The following SERPINB12 variants were observed in gnomAD, a reference collection of about 807,000 sequenced individuals.
The protein encoded by SERPINB12 is serpin family B member 12.
In SERPINB12, 57 loss-of-function variants were observed where a neutral mutation model predicts 41.1. That is an observed-to-expected ratio of 1.39 (90% CI 1.12 to 1.73). SERPINB12 has a LOEUF of 1.73. Among genes scored for constraint, SERPINB12 ranks in the 40% most tolerant of loss-of-function variants. SERPINB12 has a pLI of 0.00. For missense variants in SERPINB12, 536 were observed against 501.9 expected (o/e 1.07, Z -0.65); for synonymous variants, 180 against 181.3 (o/e 0.99, Z 0.06).
chr18:63,559,680 A>G lies in SERPINB12; in HGVS notation c.406A>G (p.Asn136Asp), dbSNP rs776224098. The G allele has an allele frequency of 1.1e-5, 18 of 1,614,014 alleles. No individual in the cohort carries two copies. In the South Asian group the frequency reaches 1.9e-4, roughly 17 times the overall value. Reference protein sequence around the residue: ...IKTDYTLSIANRLYGEQEFPI... With the variant: ...IKTDYTLSIADRLYGEQEFPI... ...GACTGATTACACACTGAGTATTGCC[A>G]ACAGGCTTTATGGAGAGCAGGAATT... The change falls in exon 4 of 8, where the codon AAC (asparagine) becomes GAC (aspartate). Residue 136 changes from asparagine to aspartate, a missense_variant. Coordinates refer to ENST00000382768, the MANE Select transcript of SERPINB12 (RefSeq NM_001307928.2).
chr18:63,549,562 C>CTTGAAATCTTAATCTA (rs11273329), intron 1 of SERPINB12, among the ~76,000 whole-genome samples: 1 of 151,826 alleles, frequency 6.6e-6, no homozygotes, highest in East Asian at 1.9e-4. Context: ...TGTTTGCAAT[C>CTTGAAATCTTAATCTA]TATTTAGGAT....
chr18:63,527,674 G>T, the SERPINB12 span, among the ~76,000 whole-genome samples: 1 of 152,048 alleles, frequency 6.6e-6, no homozygotes, highest in Admixed American at 6.6e-5. Flanking sequence ...TAGGCAAGTT[G>T]GTTTGCTAAA....
At chr18:63,535,426 T>C in the SERPINB12 span, among the ~76,000 whole-genome samples, 64 of 152,090 alleles carry the variant, frequency 4.2e-4, no homozygotes, top group African/African-American at 1.4e-3. Flanking sequence ...CAAAAATGCG[T>C]AACTCGAATC....
At chr18:63,537,886 C>T (rs181609898), upstream of SERPINB12, among the ~76,000 whole-genome samples, 2 of 152,190 alleles carry the variant, frequency 1.3e-5, no homozygotes, top group East Asian at 3.9e-4. Context: ...ACATTTGGAT[C>T]AGTTGAGAGT....
chr18:63,521,050 C>A, the SERPINB12 span, among the ~76,000 whole-genome samples: 1 of 152,154 alleles, frequency 6.6e-6, no homozygotes, highest in South Asian at 2.1e-4. Flanking sequence ...CCAAGGGTGG[C>A]ATCAGTCCAA....
At chr18:63,539,962 G>C (rs1052364540), upstream of SERPINB12, among the ~76,000 whole-genome samples, 6 of 152,096 alleles carry the variant, frequency 3.9e-5, no homozygotes, top group Admixed American at 1.3e-4. Flanking sequence ...AATTGCAATT[G>C]GGTGCTAGAG....
chr18:63,559,734 A>G lies in SERPINB12; in HGVS notation c.444+16A>G, dbSNP rs748346262. On this transcript the variant is annotated intron_variant, in intron 4 of 7. Coordinates refer to ENST00000382768, the MANE Select transcript of SERPINB12 (RefSeq NM_001307928.2). The stretch of plus-strand genomic sequence containing the variant: ...AATCTGTCAGGTGAGTTGCACACGA[A>G]TGGTGACTAAAGCTACCATGTAGCA... 1.9e-6 allele frequency: 3 copies of G among 1,613,610 alleles called. No homozygotes were observed. Among genetic ancestry groups the G allele is most frequent in the Non-Finnish European group, 2.5e-6 (3 of 1,179,666 alleles).
rs750513496 is a variant in SERPINB12, at chr18:63,561,161, C to T, written c.521C>T (p.Ser174Phe). ...GATTTCCAAAAAAACCCTGAAAAAT[C>T]CAGACAAGAGATTAACTTCTGGGTT... The part of the protein sequence containing the change: ...SVDFQKNPEK[S>F]RQEINFWVEC... Residue 174 changes from serine to phenylalanine, a missense_variant, in exon 5 of 8, where the codon TCC becomes TTC. Coordinates refer to ENST00000382768, the MANE Select transcript of SERPINB12 (RefSeq NM_001307928.2). 22 of 1,612,810 alleles carry T rather than the reference C, an allele frequency of 1.4e-5. No individual in the cohort carries two copies. Among genetic ancestry groups the T allele is most frequent in the African/African-American group, 4.0e-5 (3 of 74,884 alleles).
intron 4 of SERPINB12, among the ~76,000 whole-genome samples, chr18:63,560,552 A>G (rs1910868924): frequency 6.6e-6 from 1 of 152,242 alleles, no homozygotes; most frequent in Non-Finnish European, 1.5e-5. Flanking sequence ...GGTATATTAC[A>G]TTACTGATTT....
intron 4 of SERPINB12, 52 bp from the exon 5 acceptor site, chr18:63,561,033 G>A (rs1409737079): frequency 1.7e-6 from 2 of 1,176,034 alleles, no homozygotes; most frequent in Non-Finnish European, 1.3e-6. Context: ...CTAACTACGA[G>A]CATCACTGCC....
At chr18:63,562,652 G>A (rs1192598888) in intron 5 of SERPINB12, among the ~76,000 whole-genome samples, 1 of 151,988 alleles carries the variant, frequency 6.6e-6, no homozygotes, top group Non-Finnish European at 1.5e-5. Context: ...TTCTTTCATA[G>A]GCCATAAAAA....
the SERPINB12 span, among the ~76,000 whole-genome samples, chr18:63,520,203 C>T: frequency 6.6e-6 from 1 of 152,160 alleles, no homozygotes; most frequent in Admixed American, 6.5e-5. Context: ...CATGGCCTCA[C>T]ACCCAGTGCA....
chr18:63,527,692 G>A, the SERPINB12 span, among the ~76,000 whole-genome samples: 5 of 152,160 alleles, frequency 3.3e-5, no homozygotes, highest in Admixed American at 3.3e-4. Flanking sequence ...AAATTAATTA[G>A]ATAGGGAGTG....
the SERPINB12 span, among the ~76,000 whole-genome samples, chr18:63,534,921 G>A: frequency 6.6e-6 from 1 of 152,138 alleles, no homozygotes; most frequent in African/African-American, 2.4e-5. Context: ...CCACAGGCAC[G>A]TATGCATGTG....
chr18:63,538,640 T>C (rs1910217930), upstream of SERPINB12, among the ~76,000 whole-genome samples: 1 of 152,224 alleles, frequency 6.6e-6, no homozygotes, highest in African/African-American at 2.4e-5. Context: ...ATGATTAATA[T>C]TGCTATGAAC....
rs1196833356 is a variant in SERPINB12 at position 63,558,436 on chromosome 18, G to A, written c.253G>A (p.Asp85Asn). 1 of 1,613,792 alleles carries A rather than the reference G, an allele frequency of 6.2e-7. No homozygotes were observed. Among genetic ancestry groups the A allele is most frequent in the South Asian group, 1.1e-5 (1 of 91,032 alleles). Residue 85 changes from aspartate to asparagine, a missense_variant, in exon 3 of 8, where the codon GAC becomes AAC. Coordinates refer to ENST00000382768, the MANE Select transcript of SERPINB12 (RefSeq NM_001307928.2). Reference sequence around the variant, plus strand: ...AAGCAACAAACAAAAAGTGCTGGCTGACAGCTCTCTGGAGGGGCAGAAAAA... The same window carrying A: ...AAGCAACAAACAAAAAGTGCTGGCTAACAGCTCTCTGGAGGGGCAGAAAAA... ...LKSNKQKVLADSSLEGQKKTT... is the reference protein window; with the variant it reads ...LKSNKQKVLANSSLEGQKKTT...
chr18:63,559,003 C>CTTTCTTTCTTTCTCTCTTTCTTTCTTTCT (rs1491386715), intron 3 of SERPINB12, among the ~76,000 whole-genome samples: 20 of 78,600 alleles, frequency 2.5e-4, no homozygotes, highest in African/African-American at 9.6e-4. Context: ...TCTTTCCTTC[C>CTTTCTTTCTTTCTCTCTTTCTTTCTTTCT]TTCTTTCTTT....
chr18:63,519,885 C>T, the SERPINB12 span, among the ~76,000 whole-genome samples: 8 of 152,098 alleles, frequency 5.3e-5, no homozygotes, highest in East Asian at 1.9e-4. Context: ...ATAAGCATCA[C>T]GGGTGATTCT....
intron 4 of SERPINB12, among the ~76,000 whole-genome samples, chr18:63,560,671 A>G (rs190743955): frequency 6.6e-6 from 1 of 152,224 alleles, no homozygotes; most frequent in East Asian, 1.9e-4. Context: ...TATTTCTAAA[A>G]CTTTTTTTTT....
Sources: gnomAD v4.1 joint callset for allele counts (sites outside exome capture counted in the v4.1 genomes callset) on GRCh38, gnomAD v4.1.1 for gene constraint, MANE v1.5 for transcripts, NCBI Gene and HGNC (gene_info 2026-07-23, HGNC 2026-07-21) for gene names.